The following LOC400499 variants were observed in gnomAD, a reference collection of about 807,000 sequenced individuals.
the LOC400499 span, among the ~76,000 whole-genome samples, chr16:11,502,464 C>T: frequency 6.6e-6 from 1 of 152,192 alleles, no homozygotes; most frequent in Non-Finnish European, 1.5e-5. Context: ...CAGGATATGG[C>T]AGTGAAAGAA....
the LOC400499 span, chr16:11,449,063 C>T: frequency 6.7e-7 from 1 of 1,483,998 alleles, no homozygotes; most frequent in South Asian, 1.3e-5. Context: ...CGAGTTCGCT[C>T]CAGCTGTGGA....
the LOC400499 span, among the ~76,000 whole-genome samples, chr16:11,430,865 G>C: frequency 1.3e-5 from 2 of 152,160 alleles, no homozygotes; most frequent in Non-Finnish European, 2.9e-5. Flanking sequence ...CAGAATGCAT[G>C]TTCATTTCTC....
chr16:11,425,815 AAAGAG>A, the LOC400499 span, among the ~76,000 whole-genome samples: 1 of 152,210 alleles, frequency 6.6e-6, no homozygotes, highest in Non-Finnish European at 1.5e-5. Flanking sequence ...CTCGTTCAGA[AAAGAG>A]AAGAGATGAG....
chr16:11,505,936 T>C, the LOC400499 span, among the ~76,000 whole-genome samples: 1 of 152,146 alleles, frequency 6.6e-6, no homozygotes, highest in Non-Finnish European at 1.5e-5. Flanking sequence ...TTAATTATAG[T>C]CATCCTAGGA....
At chr16:11,417,958 G>C in the LOC400499 span, 1 of 397,242 alleles carries the variant, frequency 2.5e-6, no homozygotes, top group Non-Finnish European at 4.4e-6. Context: ...CGCTGTGATG[G>C]GAGGAACTCA....
At chr16:11,373,813 C>T in the LOC400499 span, among the ~76,000 whole-genome samples, 1 of 151,808 alleles carries the variant, frequency 6.6e-6, no homozygotes, top group Non-Finnish European at 1.5e-5. Flanking sequence ...AGAGACAGGG[C>T]TTCACCATGT....
the LOC400499 span, chr16:11,412,977 A>G: frequency 5.0e-6 from 2 of 399,128 alleles, no homozygotes; most frequent in Non-Finnish European, 8.8e-6. Context: ...AGGCTGTGAG[A>G]TGTGTGGGTG....
chr16:11,457,153 C>T, the LOC400499 span: 787 of 981,466 alleles, frequency 8.0e-4, 3 homozygotes, highest in African/African-American at 7.6e-3. Context: ...GCACTCCACA[C>T]GGGCAACGGG....
At chr16:11,522,380 G>A in the LOC400499 span, among the ~76,000 whole-genome samples, 1 of 152,192 alleles carries the variant, frequency 6.6e-6, no homozygotes, top group East Asian at 1.9e-4. Flanking sequence ...TTCTCTGCCT[G>A]GGCACTATTA....
chr16:11,417,953 T>C, the LOC400499 span: 1 of 397,512 alleles, frequency 2.5e-6, no homozygotes, highest in East Asian at 3.6e-5. Context: ...CACGTCGCTG[T>C]GATGGGAGGA....
chr16:11,495,776 C>T, the LOC400499 span, among the ~76,000 whole-genome samples: 5 of 151,828 alleles, frequency 3.3e-5, no homozygotes, highest in Admixed American at 2.6e-4. Context: ...TCCCATTTTG[C>T]AGAGCAGGAA....
the LOC400499 span, among the ~76,000 whole-genome samples, chr16:11,456,706 G>A: frequency 6.9e-6 from 1 of 144,838 alleles, no homozygotes; most frequent in Non-Finnish European, 1.5e-5. Flanking sequence ...GGGATTACAG[G>A]CGTGAGCCAC....
chr16:11,378,834 A>C, the LOC400499 span, among the ~76,000 whole-genome samples: 1 of 152,192 alleles, frequency 6.6e-6, no homozygotes, highest in Non-Finnish European at 1.5e-5. Context: ...AGAACATTCC[A>C]CGTGTACTTT....
At chr16:11,508,995 G>C in the LOC400499 span, 2 of 396,800 alleles carry the variant, frequency 5.0e-6, no homozygotes, top group Admixed American at 8.8e-5. Context: ...GTGTCTACGA[G>C]GGAAATCATA....
At chr16:11,496,659 C>T in the LOC400499 span, among the ~76,000 whole-genome samples, 8 of 152,184 alleles carry the variant, frequency 5.3e-5, 1 homozygote, top group African/African-American at 1.7e-4. Context: ...TGTGCCCATG[C>T]GTCCAGGTGC....
At chr16:11,458,541 G>A in the LOC400499 span, among the ~76,000 whole-genome samples, 5 of 151,726 alleles carry the variant, frequency 3.3e-5, no homozygotes, top group Admixed American at 3.3e-4. Flanking sequence ...ATGATTCCAC[G>A]GCTCTGTGTT....
chr16:11,482,578 G>C, the LOC400499 span, among the ~76,000 whole-genome samples: 1,656 of 152,242 alleles, frequency 0.011, 23 homozygotes, highest in African/African-American at 0.038. Flanking sequence ...AAATATTTCT[G>C]AGTTACATAT....
chr16:11,494,870 T>TC, the LOC400499 span: 1 of 397,584 alleles, frequency 2.5e-6, no homozygotes, highest in African/African-American at 2.1e-5. Flanking sequence ...CAGAGCTGAG[T>TC]CCCCCAGAGT....
the LOC400499 span, among the ~76,000 whole-genome samples, chr16:11,458,410 C>A: frequency 2.0e-5 from 3 of 151,146 alleles, no homozygotes; most frequent in African/African-American, 7.3e-5. Context: ...GAGGCTGAGG[C>A]AGGAGAATCG....
Sources: allele counts gnomAD v4.1 joint callset (sites outside exome capture counted in the v4.1 genomes callset), GRCh38; gene constraint gnomAD v4.1.1; transcripts MANE v1.5.